Variants in WDR26 observed in about 807,000 individuals in gnomAD.
The protein encoded by WDR26 is WD repeat domain 26.
In WDR26, 5 loss-of-function variants were observed where a neutral mutation model predicts 84.1. That is an observed-to-expected ratio of 0.06 (90% CI 0.03 to 0.13). WDR26 has a LOEUF of 0.13. Ranked by LOEUF, WDR26 falls within the 10% of genes least tolerant of loss-of-function variation. WDR26 has a pLI of 1.00. For synonymous variants in WDR26, 415 were observed against 389.6 expected, an observed-to-expected ratio of 1.07 and a Z score of -0.77; for missense variants, 642 against 974.9, an observed-to-expected ratio of 0.66 and a Z score of 4.55.
chr1:224,398,387 A>C (rs1439509559), intron 11 of WDR26, 128 bp downstream of exon 11: 6 of 1,211,322 alleles, frequency 5.0e-6, no homozygotes, highest in South Asian at 1.6e-5. Context: ...ACATTTAAGG[A>C]TCAATCACAT....
chr1:224,418,841 T>G (rs1003636567), intron 5 of WDR26, among the ~76,000 whole-genome samples: 4 of 152,250 alleles, frequency 2.6e-5, no homozygotes, highest in Non-Finnish European at 2.9e-5. Context: ...CAAACTGCTC[T>G]AAAAATCGCC....
At chr1:224,420,764 G>GT (rs1558438860) in intron 4 of WDR26, among the ~76,000 whole-genome samples, 1 of 152,012 alleles carries the variant, frequency 6.6e-6, no homozygotes, top group Non-Finnish European at 1.5e-5. Flanking sequence ...TAGCTATTGT[G>GT]TTTTTTTGTA....
chr1:224,393,653 T>C (rs112271613), intron 13 of WDR26, among the ~76,000 whole-genome samples, 175 bp downstream of exon 13: 1 of 152,328 alleles, frequency 6.6e-6, no homozygotes, highest in East Asian at 1.9e-4. Context: ...CACTACATTA[T>C]TGGCTCTTAC....
intron 6 of WDR26, among the ~76,000 whole-genome samples, chr1:224,415,618 G>A (rs1014083382): frequency 6.6e-6 from 1 of 152,034 alleles, no homozygotes; most frequent in Non-Finnish European, 1.5e-5. Context: ...GTGCCGCCAT[G>A]CCCGGCTATT....
intron 6 of WDR26, among the ~76,000 whole-genome samples, chr1:224,417,681 C>G (rs1366329349): frequency 6.6e-6 from 1 of 152,208 alleles, no homozygotes; most frequent in African/African-American, 2.4e-5. Flanking sequence ...TCCTGGGCAA[C>G]AGAGAGGCTG....
intron 6 of WDR26, among the ~76,000 whole-genome samples, chr1:224,415,694 C>G (rs1250858310): frequency 6.6e-6 from 1 of 152,056 alleles, no homozygotes; most frequent in African/African-American, 2.4e-5. Flanking sequence ...ATCTCCCGAC[C>G]TCGTGATCCA....
intron 7 of WDR26, among the ~76,000 whole-genome samples, chr1:224,407,566 T>C (rs937244734): frequency 4.0e-5 from 6 of 150,936 alleles, no homozygotes; most frequent in Non-Finnish European, 7.4e-5. Flanking sequence ...TGGAGTGCAG[T>C]GGCGCAATCT....
chr1:224,392,037 C>T (rs1174997707), intron 13 of WDR26, among the ~76,000 whole-genome samples: 12 of 152,136 alleles, frequency 7.9e-5, no homozygotes, highest in African/African-American at 1.9e-4. Context: ...TAGCAGCACA[C>T]TCTTATTCCA....
intron 3 of WDR26, among the ~76,000 whole-genome samples, chr1:224,428,663 G>A (rs775183217): frequency 6.6e-6 from 1 of 151,906 alleles, no homozygotes; most frequent in Non-Finnish European, 1.5e-5. Context: ...CTGCGAGGCT[G>A]AGGCGGGTGG....
At chr1:224,407,121 T>C (rs1488247814) in intron 7 of WDR26, among the ~76,000 whole-genome samples, 2 of 7,370 alleles carry the variant, frequency 2.7e-4, no homozygotes, top group Non-Finnish European at 5.7e-4. Flanking sequence ...GACTCTGTCT[T>C]TAAAAAAAAA....
chr1:224,403,197 C>T (rs1673463176), intron 8 of WDR26, among the ~76,000 whole-genome samples: 2 of 151,966 alleles, frequency 1.3e-5, no homozygotes, highest in African/African-American at 2.4e-5. Context: ...GGATTACAGG[C>T]GCCTGCCACT....
Position 224,387,793 on chromosome 1 carries a change from G to A in WDR26, c.*2042C>T, listed in dbSNP as rs1673022683. The A allele has an allele frequency of 6.6e-6, 1 of 152,558 alleles. No homozygotes were observed. Among genetic ancestry groups the A allele is most frequent in the East Asian group, 1.9e-4 (1 of 5,200 alleles). The allele number at this position is 152,558 out of a possible 1,614,324, so 9.5% of individuals were successfully genotyped here. A position where few individuals can be genotyped will look rare whatever the true frequency, so the allele number is the denominator to read the frequency against. On this transcript the variant is annotated 3_prime_UTR_variant, in exon 14 of 14. Transcript: ENST00000414423. ...GGTATACATGAATCACTTAAAATAT[G>A]AATGGTTTTTAACTATACTGAGGTA...
At chr1:224,394,741 C>T (rs1485557374) in intron 12 of WDR26, among the ~76,000 whole-genome samples, 1 of 152,122 alleles carries the variant, frequency 6.6e-6, no homozygotes, top group Non-Finnish European at 1.5e-5. Flanking sequence ...GTGATCCGCC[C>T]ATCTCAGCCT....
intron 5 of WDR26, 48 bp downstream of exon 5, chr1:224,419,470 T>C: frequency 1.4e-6 from 2 of 1,381,384 alleles, no homozygotes; most frequent in South Asian, 1.2e-5. Context: ...CTGTATCCAT[T>C]TGTAATCTAA....
At chr1:224,401,206 CA>C in intron 8 of WDR26, 137 bp from the exon 9 acceptor site, 1 of 812,900 alleles carries the variant, frequency 1.2e-6, no homozygotes, top group Non-Finnish European at 1.8e-6. Flanking sequence ...AGTGACCCTA[CA>C]AAAAAGAGAC....
Position 224,386,748 on chromosome 1 carries a change from C to T in WDR26, c.*3087G>A, listed in dbSNP as rs1673001144. On this transcript the variant is annotated 3_prime_UTR_variant, in exon 14 of 14. Transcript: ENST00000414423. ...TATCCCCCCACCCAATAAAATGGGC[C>T]AATTTGTAGGGATATATGCAAATAA... 2 of 151,944 alleles carry T rather than the reference C, an allele frequency of 1.3e-5. No homozygotes were observed. The highest frequency in any genetic ancestry group is 4.1e-4 in the South Asian group (2 of 4,826). 9.4% of individuals were successfully genotyped at this position (151,944 alleles called of 1,614,324 possible).
At chr1:224,392,355 CAAAA>C (rs879788087) in intron 13 of WDR26, among the ~76,000 whole-genome samples, 1 of 128,782 alleles carries the variant, frequency 7.8e-6, no homozygotes, top group East Asian at 2.2e-4. Flanking sequence ...GACTCCGTCT[CAAAA>C]AAAAAAAAGA....
Position 224,433,869 on chromosome 1 carries a change from C to A in WDR26, c.537G>T (p.Gly179=), listed in dbSNP as rs947075122. ...ATGCGGCGGCCGCCCCGCCGGGAAC[C>A]CCGTTATTGACATTCAGGCTGTTGC... The change falls in exon 1 of 14, where the codon GGG becomes GGT. Residue 179 remains glycine (G), a synonymous_variant. Coordinates refer to ENST00000414423, the MANE Select transcript of WDR26 (RefSeq NM_001379403.1). 6.5e-7 allele frequency: 1 copy of A among 1,536,956 alleles called. No homozygotes were observed. The highest frequency in any genetic ancestry group is 8.7e-7 in the Non-Finnish European group (1 of 1,146,796).
At position 224,398,903 on chromosome 1, in the gene WDR26, A is replaced by G; in HGVS notation, c.1851T>C (p.Leu617=). ...AAAATAGTTACATGTTCCTATCTGTAAGGTCCTCGAAGTTATAGCCCCGAA... is the reference window on the plus strand; with the variant it reads ...AAAATAGTTACATGTTCCTATCTGTGAGGTCCTCGAAGTTATAGCCCCGAA... The change falls in exon 10 of 14, where the codon CTT becomes CTC. Residue 617 remains leucine, a synonymous_variant. Coordinates refer to ENST00000414423, the MANE Select transcript of WDR26 (RefSeq NM_001379403.1). The G allele has an allele frequency of 6.2e-7, 1 of 1,613,896 alleles. No individual in the cohort carries two copies.
Sources: allele counts gnomAD v4.1 joint callset (sites outside exome capture counted in the v4.1 genomes callset), GRCh38; gene constraint gnomAD v4.1.1; transcripts MANE v1.5; gene names NCBI Gene and HGNC (gene_info 2026-07-23, HGNC 2026-07-21).